WLS: variants seen among roughly 807,000 people sequenced by gnomAD.
WLS encodes Wnt ligand secretion mediator, also known as protein wntless homolog.
Under a neutral mutation model 62.8 loss-of-function variants are expected in WLS, and 23 were observed. The ratio of observed to expected loss-of-function variants is 0.37; its 90% CI spans 0.26 to 0.52. The LOEUF is 0.52. Ranked by LOEUF, WLS falls within the 20% of genes least tolerant of loss-of-function variation. The probability of loss-of-function intolerance (pLI) is 0.92; values close to 1 mark genes in which losing one functional copy is unlikely to be tolerated. For synonymous variants in WLS, 246 were observed against 244.1 expected, an observed-to-expected ratio of 1.01 and a Z score of -0.07; for missense variants, 615 against 697.3, an observed-to-expected ratio of 0.88 and a Z score of 1.33.
At chr1:68,110,683 CTCTCTCT>C (rs1646215618) in intron 11 of WLS, among the ~76,000 whole-genome samples, 1 of 141,316 alleles carries the variant, frequency 7.1e-6, no homozygotes, top group South Asian at 2.3e-4. Flanking sequence ...CTCTCTCTCT[CTCTCTCT>C]CCATATATAT....
chr1:68,227,234 C>T (rs1387063147), intron 1 of WLS, among the ~76,000 whole-genome samples: 1 of 151,970 alleles, frequency 6.6e-6, no homozygotes, highest in African/African-American at 2.4e-5. Context: ...CCTGGCCAAC[C>T]TGGTGAAACC....
At chr1:68,201,242 C>CT (rs1161765831) in intron 1 of WLS, among the ~76,000 whole-genome samples, 2 of 152,158 alleles carry the variant, frequency 1.3e-5, no homozygotes, top group Non-Finnish European at 2.9e-5. Context: ...AAGTCAGTTC[C>CT]TAAAAAGATT....
chr1:68,108,633 T>G (rs1646179117), intron 11 of WLS, among the ~76,000 whole-genome samples: 1 of 152,192 alleles, frequency 6.6e-6, no homozygotes, highest in Non-Finnish European at 1.5e-5. Context: ...ATCACCTTGA[T>G]TCTTTTGAGA....
intron 1 of WLS, among the ~76,000 whole-genome samples, chr1:68,213,318 G>A (rs1649591612): frequency 6.6e-6 from 1 of 151,960 alleles, no homozygotes; most frequent in Admixed American, 6.6e-5. Context: ...AGGCATGGTG[G>A]TAGGCGCCTG....
chr1:68,179,726 C>A (rs1222162391), intron 2 of WLS, among the ~76,000 whole-genome samples: 1 of 152,158 alleles, frequency 6.6e-6, no homozygotes, highest in Non-Finnish European at 1.5e-5. Context: ...ATTGTAATTA[C>A]ACTAATAGTC....
intron 6 of WLS, 64 bp from the exon 7 acceptor site, chr1:68,148,724 G>C: frequency 1.3e-6 from 2 of 1,498,948 alleles, no homozygotes; most frequent in Non-Finnish European, 1.8e-6. Flanking sequence ...TTCTATGGGG[G>C]AGTCAGCATT....
Position 68,106,737 on chromosome 1 carries a change from TGTGTGTGTGTGTG to T in WLS, c.1511-7997_1511-7985del, listed in dbSNP as rs1338189638. On this transcript the variant is annotated intron_variant, in intron 11 of 11. Transcript: ENST00000354777. Reference sequence around the variant, plus strand: ...GTCACTGTGTGTGTGTGTGTGTGTGTGTGTGTGTGTGTGTATGTGTGGGTAGGTGGGTGGGTGA... The same window carrying T: ...GTCACTGTGTGTGTGTGTGTGTGTGTTATGTGTGGGTAGGTGGGTGGGTGA... 4.1e-5 allele frequency among the ~76,000 whole-genome samples: 3 copies of T among 73,908 alleles called. No homozygotes were observed. In the East Asian group the frequency reaches 1.3e-3, roughly 33 times the overall value. 48.5% of individuals were successfully genotyped at this position (73,908 alleles called of 152,430 possible).
intron 11 of WLS, among the ~76,000 whole-genome samples, chr1:68,127,706 A>G (rs1459392720): frequency 1.3e-5 from 2 of 152,202 alleles, no homozygotes; most frequent in Non-Finnish European, 2.9e-5. Flanking sequence ...AAGTTTTTCT[A>G]ATTTAAAGCA....
chr1:68,161,834 C>T lies in WLS; in HGVS notation c.380-2587G>A. On this transcript the variant is annotated intron_variant, in intron 2 of 11. Transcript: ENST00000262348. ...GAGGGCGCCTGGGAAGGATGTGCCA[C>T]TGTTGGGAGGTTGTGAGTCACTGGG... 1.9e-6 allele frequency: 3 copies of T among 1,605,652 alleles called. 1 individual carries two copies. In the South Asian group the frequency reaches 3.3e-5, roughly 18 times the overall value.
In WLS at chr1:68,155,086, T is replaced by C; in HGVS notation, c.666+13A>G. On this transcript the variant is annotated intron_variant, in intron 4 of 11. Coordinates refer to ENST00000262348, the MANE Select transcript of WLS (RefSeq NM_024911.7). ...CTCCAATACACATGTCAAGATCAAT[T>C]ACATTCACTTACCACCAACCGGATA... The C allele has an allele frequency of 6.2e-7, 1 of 1,612,044 alleles. No homozygotes were observed. Among genetic ancestry groups the C allele is most frequent in the Non-Finnish European group, 8.5e-7 (1 of 1,179,008 alleles).
chr1:68,158,448 G>A (rs1646929641), intron 3 of WLS, among the ~76,000 whole-genome samples: 1 of 152,172 alleles, frequency 6.6e-6, no homozygotes, highest in Non-Finnish European at 1.5e-5. Context: ...CAGACAAGAT[G>A]TTAAATTAGA....
intron 1 of WLS, among the ~76,000 whole-genome samples, chr1:68,228,842 C>CAAAAAAAAAAAAAAA (rs66626696): frequency 3.4e-5 from 2 of 58,032 alleles, no homozygotes; most frequent in African/African-American, 7.5e-5. Flanking sequence ...ACACTGGTGC[C>CAAAAAAAAAAAAAAA]AAAAAAAAAA....
chr1:68,130,828 T>C (rs575122757), intron 11 of WLS, among the ~76,000 whole-genome samples: 2 of 148,688 alleles, frequency 1.3e-5, no homozygotes, highest in East Asian at 4.0e-4. Context: ...CTGGGCAACA[T>C]AGAAAGATCT....
chr1:68,184,969 T>C (rs1057147380), intron 2 of WLS, among the ~76,000 whole-genome samples: 2 of 152,202 alleles, frequency 1.3e-5, no homozygotes, highest in Admixed American at 1.3e-4. Context: ...CACTTTTTGA[T>C]TCCCACTCCA....
downstream of WLS, among the ~76,000 whole-genome samples, chr1:68,124,133 T>A (rs1215177369): frequency 2.0e-5 from 3 of 152,190 alleles, no homozygotes; most frequent in African/African-American, 7.2e-5. Flanking sequence ...CATTCAAACC[T>A]TGTGCATTTT....
At chr1:68,212,110 G>T (rs763564029) in intron 1 of WLS, among the ~76,000 whole-genome samples, 1 of 152,120 alleles carries the variant, frequency 6.6e-6, no homozygotes, top group Non-Finnish European at 1.5e-5. Context: ...TTTCCTACTT[G>T]TCTCATCACC....
At chr1:68,152,474 C>T (rs1646839933) in intron 5 of WLS, among the ~76,000 whole-genome samples, 1 of 152,022 alleles carries the variant, frequency 6.6e-6, no homozygotes, top group Admixed American at 6.5e-5. Flanking sequence ...GAATGACCAA[C>T]AGAAGGGTAG....
At chr1:68,132,233 G>A (rs1027327613) in intron 11 of WLS, among the ~76,000 whole-genome samples, 11 of 152,196 alleles carry the variant, frequency 7.2e-5, no homozygotes, top group African/African-American at 2.4e-4. Flanking sequence ...GCTGAGCAAG[G>A]GGTGCCAGGC....
At chr1:68,231,270 G>C (rs1217989946) in intron 1 of WLS, among the ~76,000 whole-genome samples, 1 of 152,176 alleles carries the variant, frequency 6.6e-6, no homozygotes, top group Non-Finnish European at 1.5e-5. Context: ...GAGAGGTCCG[G>C]GAGGTGCACG....
Sources: gnomAD v4.1 joint callset for allele counts (sites outside exome capture counted in the v4.1 genomes callset) on GRCh38, gnomAD v4.1.1 for gene constraint, MANE v1.5 for transcripts, NCBI Gene and HGNC (gene_info 2026-07-23, HGNC 2026-07-21) for gene names.